Variants in FAM149B1 observed in about 807,000 individuals in gnomAD.
The protein encoded by FAM149B1 is primary cilium assembly protein FAM149B1.
FAM149B1 carries 56 observed loss-of-function variants against 75.3 expected under a neutral mutation model. The observed-to-expected ratio is 0.74, with a 90% CI of 0.60 to 0.93. FAM149B1 has a LOEUF of 0.93. Ranked by LOEUF, FAM149B1 falls within the 40% of genes least tolerant of loss-of-function variation. The pLI is 0.00. For missense variants in FAM149B1, 639 were observed against 708.4 expected (o/e 0.90, Z 1.11); for synonymous variants, 259 against 256.1 (o/e 1.01, Z -0.11).
rs139544846 is a variant in FAM149B1, at chr10:73,189,316, A to C, written c.283-3240A>C. Among the ~76,000 whole-genome samples, 4 of 152,346 alleles carry C rather than the reference A, an allele frequency of 2.6e-5. No individual in the cohort carries two copies. The East Asian group carries it at 7.7e-4, about 29-fold the overall frequency. The stretch of plus-strand genomic sequence containing the variant: ...GGTAGGAGTGCTAAATTGTACATCC[A>C]TCCTATAAAATAGTTTAGTAATTTC... On this transcript the variant is annotated intron_variant, in intron 3 of 13. Coordinates refer to ENST00000242505, the MANE Select transcript of FAM149B1 (RefSeq NM_173348.2).
chr10:73,213,096 C>T (rs2043223316), intron 7 of FAM149B1, among the ~76,000 whole-genome samples: 1 of 152,180 alleles, frequency 6.6e-6, no homozygotes, highest in South Asian at 2.1e-4. Context: ...ATCTGCCCGT[C>T]TTGGCCTCCC....
intron 7 of FAM149B1, among the ~76,000 whole-genome samples, chr10:73,213,153 T>C (rs139213553): frequency 5.8e-4 from 89 of 152,292 alleles, no homozygotes; most frequent in Admixed American, 5.9e-4. Flanking sequence ...AGCCTGTTCA[T>C]ATTCTTTTTC....
chr10:73,192,562 G>A lies in FAM149B1; in HGVS notation c.289G>A (p.Asp97Asn), dbSNP rs1480906623. 7.7e-6 allele frequency: 12 copies of A among 1,549,716 alleles called. No homozygotes were observed. The highest frequency in any genetic ancestry group is 1.7e-4 in the Middle Eastern group (1 of 6,014). The change falls in exon 4 of 14, where the codon GAT (aspartate) becomes AAT (asparagine). Residue 97 changes from aspartate (D) to asparagine (N), a missense_variant. Physicochemically the swap from Asp to Asn is conservative, Grantham distance 23. Transcript: ENST00000242505. ...GGGGAATATTTTCTTCTAGGAACTC[G>A]ATCAAAATGCCACTGAAAAAGTCCA... is the stretch of plus-strand genomic sequence containing the variant. Reference protein sequence around the residue: ...SDFSWGYGELDQNATEKVQTM... With the variant: ...SDFSWGYGELNQNATEKVQTM...
chr10:73,233,013 C>A lies in FAM149B1; in HGVS notation c.1202C>A (p.Ala401Asp). 6.4e-7 allele frequency: 1 copy of A among 1,551,806 alleles called. No homozygotes were observed. The highest frequency in any genetic ancestry group is 8.7e-7 in the Non-Finnish European group (1 of 1,146,892). The change falls in exon 10 of 14, where the codon GCT (alanine) becomes GAT (aspartate). Residue 401 changes from alanine (A) to aspartate (D), a missense_variant. Coordinates refer to ENST00000242505, the MANE Select transcript of FAM149B1 (RefSeq NM_173348.2). ...ILSTRNWPNR[A>D]VEFSTSSLSY... is the part of the protein sequence containing the mutation. ...TCAACTCGAAATTGGCCAAATCGAG[C>A]TGTGGAGTTTAGTACATCATCTCTG...
intron 7 of FAM149B1, among the ~76,000 whole-genome samples, chr10:73,222,655 C>CT (rs1302467943): frequency 6.6e-6 from 1 of 152,078 alleles, no homozygotes; most frequent in Non-Finnish European, 1.5e-5. Context: ...ATCTTGGAAA[C>CT]TTTTTCAAGG....
At position 73,235,449 on chromosome 10, in the gene FAM149B1, A is replaced by G. The variant is rs1589195703; in HGVS notation, c.1602+131A>G. On this transcript the variant is annotated intron_variant, in intron 12 of 13. Transcript: ENST00000242505. The stretch of plus-strand genomic sequence containing the variant: ...AATAAAAGTTGAGTTTCCAACAATA[A>G]AAAGTGTTATAAATACATTTTGTTC... 3 of 1,457,208 alleles carry G rather than the reference A, an allele frequency of 2.1e-6. No individual in the cohort carries two copies. The East Asian group carries it at 7.5e-5, about 36-fold the overall frequency. The allele number at this position is 1,457,208 out of a possible 1,614,324, so 90.3% of individuals were successfully genotyped here.
chr10:73,235,596 C>A, intron 12 of FAM149B1: 2 of 475,330 alleles, frequency 4.2e-6, no homozygotes, highest in Non-Finnish European at 6.8e-6. Context: ...TCCCAGTACA[C>A]ATCAGATAAG....
At chr10:73,179,131 A>G (rs1262142543) in intron 3 of FAM149B1, among the ~76,000 whole-genome samples, 1 of 151,566 alleles carries the variant, frequency 6.6e-6, no homozygotes, top group East Asian at 2.0e-4. Context: ...TGGCCAGCTA[A>G]TTTTTGTATT....
At chr10:73,205,179 A>C (rs1438263758) in intron 5 of FAM149B1, among the ~76,000 whole-genome samples, 1 of 151,602 alleles carries the variant, frequency 6.6e-6, no homozygotes, top group Non-Finnish European at 1.5e-5. Flanking sequence ...TCCTTGCCTA[A>C]ATCTCATGTA....
chr10:73,175,148 C>G (rs1226518621), intron 2 of FAM149B1, among the ~76,000 whole-genome samples: 1 of 152,044 alleles, frequency 6.6e-6, no homozygotes, highest in Non-Finnish European at 1.5e-5. Flanking sequence ...ATCATTTAAG[C>G]CCAGGAGTTT....
chr10:73,204,996 T>A lies in FAM149B1; in HGVS notation c.543-3623T>A, dbSNP rs867344063. Among the ~76,000 whole-genome samples, 562 of 117,814 alleles carry A rather than the reference T, an allele frequency of 4.8e-3. 9 individuals carry two copies. The highest frequency in any genetic ancestry group is 0.017 in the African/African-American group (509 of 29,634). 77.3% of individuals were successfully genotyped at this position (117,814 alleles called of 152,430 possible). ...TTTTTTTTTTTTTTTTTTTTTTTTTTAGTAGAGACAGTTTCACCCTGTTAG... is the reference window on the plus strand; with the variant it reads ...TTTTTTTTTTTTTTTTTTTTTTTTTAAGTAGAGACAGTTTCACCCTGTTAG... On this transcript the variant is annotated intron_variant, in intron 5 of 13. Transcript: ENST00000242505.
At chr10:73,226,533 A>C (rs2043555258) in intron 7 of FAM149B1, among the ~76,000 whole-genome samples, 1 of 152,162 alleles carries the variant, frequency 6.6e-6, no homozygotes, top group African/African-American at 2.4e-5. Context: ...TTGTTGCCAC[A>C]CGACCTGGGT....
chr10:73,176,164 C>T (rs577860302), intron 2 of FAM149B1, among the ~76,000 whole-genome samples: 14 of 152,138 alleles, frequency 9.2e-5, no homozygotes, highest in Admixed American at 3.3e-4. Flanking sequence ...GCATTAGATT[C>T]CCATAAGGAA....
chr10:73,182,048 T>C (rs1205399571), intron 3 of FAM149B1, among the ~76,000 whole-genome samples: 1 of 152,192 alleles, frequency 6.6e-6, no homozygotes. Context: ...TTTTGTCTGA[T>C]ACAAGTATAG....
chr10:73,183,622 T>C (rs1402559560), intron 3 of FAM149B1: 1 of 152,206 alleles, frequency 6.6e-6, no homozygotes, highest in Non-Finnish European at 1.5e-5. Context: ...GTGGGACTTT[T>C]AGTATCAGAA....
At chr10:73,235,912 AATAG>A (rs1277878945) in intron 12 of FAM149B1, among the ~76,000 whole-genome samples, 2 of 152,288 alleles carry the variant, frequency 1.3e-5, no homozygotes, top group Non-Finnish European at 2.9e-5. Context: ...CCTTTTAAGT[AATAG>A]AAAAAACCTG....
intron 1 of FAM149B1, among the ~76,000 whole-genome samples, chr10:73,171,527 A>G (rs1843714767): frequency 6.6e-6 from 1 of 152,196 alleles, no homozygotes; most frequent in Non-Finnish European, 1.5e-5. Flanking sequence ...AATTTCAAAC[A>G]TAAACATATA....
At chr10:73,229,219 A>T (rs967234539) in intron 8 of FAM149B1, among the ~76,000 whole-genome samples, 2 of 152,126 alleles carry the variant, frequency 1.3e-5, no homozygotes, top group Non-Finnish European at 2.9e-5. Flanking sequence ...CAGTTCCTAC[A>T]CAATAGTTTC....
rs557557367 is a variant in FAM149B1, at chr10:73,220,852, TAAATGTCCATTGTGTA to T, written c.899-7206_899-7191del. Among the ~76,000 whole-genome samples, 410 of 152,250 alleles carry T rather than the reference TAAATGTCCATTGTGTA, an allele frequency of 2.7e-3. 3 individuals carry two copies. Among genetic ancestry groups the T allele is most frequent in the Non-Finnish European group, 4.8e-3 (326 of 68,010 alleles). The stretch of plus-strand genomic sequence containing the variant: ...TCTGGCCTCCAGAACTGTGAGAAAA[TAAATGTCCATTGTGTA>T]ATCCACCCAATCAGTGCTATTTTGT... On this transcript the variant is annotated intron_variant, in intron 7 of 13. Coordinates refer to ENST00000242505, the MANE Select transcript of FAM149B1 (RefSeq NM_173348.2).
Sources: gnomAD v4.1 joint callset for allele counts (sites outside exome capture counted in the v4.1 genomes callset) on GRCh38, gnomAD v4.1.1 for gene constraint, MANE v1.5 for transcripts, NCBI Gene and HGNC (gene_info 2026-07-23, HGNC 2026-07-21) for gene names.